Variants in TG observed in about 807,000 individuals in gnomAD.
TG encodes the protein thyroglobulin.
Under a neutral mutation model 324.7 loss-of-function variants are expected in TG, and 270 were observed. The observed-to-expected ratio is 0.83, with a 90% CI of 0.75 to 0.92. TG has a LOEUF of 0.92. TG is among the 40% of genes least tolerant of loss of function. TG has a pLI of 0.00. For synonymous variants in TG, 1,401 were observed against 1,327.0 expected (o/e 1.06, Z -1.21); for missense variants, 3,591 against 3,456.4 (o/e 1.04, Z -0.98).
rs186064871 is a variant in TG at position 133,040,361 on chromosome 8, G to C, written c.7239+10338G>C. ...CTCTGCACTTAGCCAGGCATGGGCA[G>C]AGAGAGAGGTTTAAGATCCAGTATC... On this transcript the variant is annotated intron_variant, in intron 41 of 47. Transcript: ENST00000220616. 345 of 518,258 alleles carry C rather than the reference G, an allele frequency of 6.7e-4. 2 individuals are homozygous for C. The highest frequency in any genetic ancestry group is 5.7e-3 in the African/African-American group (298 of 52,632). 32.1% of individuals were successfully genotyped at this position (518,258 alleles called of 1,614,324 possible). A position where few individuals can be genotyped will look rare whatever the true frequency, so the allele number is the denominator to read the frequency against.
At position 132,886,672 on chromosome 8, in the gene TG, T is replaced by G; in HGVS notation, c.1300T>G (p.Ser434Ala). 5.0e-6 allele frequency: 8 copies of G among 1,614,180 alleles called. No individual in the cohort carries two copies. The highest frequency in any genetic ancestry group is 6.8e-6 in the Non-Finnish European group (8 of 1,180,046). ...PMVEGQSQQFSVSENLLKEAI... is the reference protein window; with the variant it reads ...PMVEGQSQQFAVSENLLKEAI... ...GGTGGAGGGACAGAGCCAACAGTTTTCTGTCTCAGAAAATCTTCTCAAAGA... is the reference window on the plus strand; with the variant it reads ...GGTGGAGGGACAGAGCCAACAGTTTGCTGTCTCAGAAAATCTTCTCAAAGA... Residue 434 changes from serine (S) to alanine (A), a missense_variant, in exon 9 of 48, where the codon TCT becomes GCT. Ser to Ala is a moderately conservative substitution (Grantham distance 99). Transcript: ENST00000220616.
At position 132,969,421 on chromosome 8, in the gene TG, T is replaced by C. The variant is rs62514145; in HGVS notation, c.5864-37T>C. The C allele has an allele frequency of 7.6e-3, 10,813 of 1,423,750 alleles. 175 individuals carry two copies. Among genetic ancestry groups the C allele is most frequent in the African/African-American group, 0.056 (3,980 of 70,944 alleles). The allele number at this position is 1,423,750 out of a possible 1,614,324, so 88.2% of individuals were successfully genotyped here. A position where few individuals can be genotyped will look rare whatever the true frequency, so the allele number is the denominator to read the frequency against. The stretch of plus-strand genomic sequence containing the variant: ...CTCATATTTTCATGACTACAGCAAA[T>C]CTCTAAGTAATGTATTTTCTTTCTT... On this transcript the variant is annotated intron_variant, in intron 31 of 47. Transcript: ENST00000220616.
intron 32 of TG, 151 bp from the exon 33 acceptor site, chr8:132,971,643 C>T (rs1342986746): frequency 2.9e-6 from 2 of 682,460 alleles, no homozygotes; most frequent in Non-Finnish European, 5.4e-6. Context: ...AGAATCCACT[C>T]ATGCATATTG....
intron 41 of TG, chr8:133,060,415 G>C: frequency 6.7e-7 from 1 of 1,493,714 alleles, no homozygotes; most frequent in Non-Finnish European, 8.9e-7. Context: ...CCACAGAGAG[G>C]GAAGTTGCTA....
intron 41 of TG, among the ~76,000 whole-genome samples, chr8:133,073,975 G>A (rs2741211): frequency 0.43 from 65,637 of 151,848 alleles, 14,476 homozygotes; most frequent in Non-Finnish European, 0.46. Context: ...TCGGGATGGT[G>A]GATATCACCT....
At chr8:132,924,377 G>A (rs754616927) in intron 22 of TG, among the ~76,000 whole-genome samples, 1 of 152,130 alleles carries the variant, frequency 6.6e-6, no homozygotes, top group Non-Finnish European at 1.5e-5. Flanking sequence ...CAGGGGTTGG[G>A]GACTTCTGTT....
chr8:133,040,355 T>C lies in TG; in HGVS notation c.7239+10332T>C, dbSNP rs1837987361. 2.8e-5 allele frequency: 15 copies of C among 540,062 alleles called. No individual in the cohort carries two copies. The South Asian group carries it at 3.8e-4, about 14-fold the overall frequency. The allele number at this position is 540,062 out of a possible 1,614,324, so 33.5% of individuals were successfully genotyped here. A position where few individuals can be genotyped will look rare whatever the true frequency, so the allele number is the denominator to read the frequency against. On this transcript the variant is annotated intron_variant, in intron 41 of 47. Coordinates refer to ENST00000220616, the MANE Select transcript of TG (RefSeq NM_003235.5). ...GGTATACTCTGCACTTAGCCAGGCA[T>C]GGGCAGAGAGAGAGGTTTAAGATCC...
intron 43 of TG, among the ~76,000 whole-genome samples, chr8:133,103,469 A>G (rs977652244): frequency 6.6e-6 from 1 of 152,226 alleles, no homozygotes; most frequent in African/African-American, 2.4e-5. Context: ...ATTATGGTTC[A>G]GAGAAAGCTG....
rs763263303 is a variant in TG at position 133,113,601 on chromosome 8, C to G, written c.7752C>G (p.Thr2584=). ...TCTCCCGGGCTCTGGAGAATGCCAC[C>G]CGGTAAGCTAAGCTGCAGGAGGGTG... ...ASFSRALENA[T]RDYFIICPII... The change falls in exon 44 of 48, where the codon ACC becomes ACG. Residue 2584 remains threonine, a splice_region_variant and synonymous_variant. Coordinates refer to ENST00000220616, the MANE Select transcript of TG (RefSeq NM_003235.5). The G allele has an allele frequency of 6.2e-7, 1 of 1,613,874 alleles. No individual in the cohort carries two copies. Among genetic ancestry groups the G allele is most frequent in the Admixed American group, 1.7e-5 (1 of 59,998 alleles).
In TG at chr8:132,868,136, C is replaced by G; in HGVS notation, c.89C>G (p.Pro30Arg). 1 of 1,614,144 alleles carries G rather than the reference C, an allele frequency of 6.2e-7. No individual in the cohort carries two copies. The highest frequency in any genetic ancestry group is 8.5e-7 in the Non-Finnish European group (1 of 1,180,024). The change falls in exon 2 of 48, where the codon CCC becomes CGC. Residue 30 changes from proline (P) to arginine (R), a missense_variant. Coordinates refer to ENST00000220616, the MANE Select transcript of TG (RefSeq NM_003235.5). ...NIFEYQVDAQ[P>R]LRPCELQRET... The stretch of plus-strand genomic sequence containing the variant: ...CTAGAGTACCAGGTGGATGCCCAGC[C>G]CCTTCGTCCCTGTGAGCTGCAGAGG...
chr8:133,045,211 C>A lies in TG; in HGVS notation c.7239+15188C>A. 3.7e-6 allele frequency: 5 copies of A among 1,338,184 alleles called. No homozygotes were observed. In the South Asian group the frequency reaches 6.4e-5, roughly 17 times the overall value. 82.9% of individuals were successfully genotyped at this position (1,338,184 alleles called of 1,614,324 possible). ...ACCACCACTGAGGCAGGGAGACCTG[C>A]CCACCCTTGGGATACAACAGTGATG... On this transcript the variant is annotated intron_variant, in intron 41 of 47. Transcript: ENST00000220616.
rs748649100 is a variant in TG at position 133,096,200 on chromosome 8, A to G, written c.7405-6A>G. The stretch of plus-strand genomic sequence containing the variant: ...GGACAACTGATTATTGTTGCATCCA[A>G]TGCAGCTCCTGGCCGTGAGTGGCCC... On this transcript the variant is annotated splice_polypyrimidine_tract_variant and splice_region_variant and intron_variant, in intron 42 of 47. Coordinates refer to ENST00000220616, the MANE Select transcript of TG (RefSeq NM_003235.5). The G allele has an allele frequency of 1.2e-6, 2 of 1,614,096 alleles. No individual in the cohort carries two copies. The highest frequency in any genetic ancestry group is 8.5e-7 in the Non-Finnish European group (1 of 1,180,032).
intron 45 of TG, among the ~76,000 whole-genome samples, chr8:133,129,573 G>T (rs1564220644): frequency 6.6e-6 from 1 of 152,084 alleles, no homozygotes; most frequent in Non-Finnish European, 1.5e-5. Flanking sequence ...GTGGCTCACT[G>T]CAGCCTCGAA....
At chr8:133,117,569 A>T (rs907249832) in intron 45 of TG, among the ~76,000 whole-genome samples, 2 of 152,188 alleles carry the variant, frequency 1.3e-5, no homozygotes, top group African/African-American at 4.8e-5. Flanking sequence ...CGTGCATTAA[A>T]CCACATCAGA....
chr8:133,052,901 T>C (rs940884925), intron 41 of TG, among the ~76,000 whole-genome samples: 1 of 152,140 alleles, frequency 6.6e-6, no homozygotes, highest in African/African-American at 2.4e-5. Context: ...TGGGCCTGGG[T>C]TTCCTAGTCT....
chr8:133,021,520 A>G (rs998869025), intron 39 of TG, among the ~76,000 whole-genome samples: 4 of 152,238 alleles, frequency 2.6e-5, no homozygotes, highest in Non-Finnish European at 4.4e-5. Flanking sequence ...ATAGTTGCTC[A>G]GGCTGCCATA....
intron 32 of TG, 118 bp from the exon 33 acceptor site, chr8:132,971,676 T>G (rs1319409231): frequency 1.2e-5 from 9 of 744,954 alleles, no homozygotes. Flanking sequence ...CCAGTTTAAG[T>G]AGGGGGTAAA....
chr8:133,131,529 G>A (rs1006270119), intron 45 of TG, among the ~76,000 whole-genome samples: 7 of 152,200 alleles, frequency 4.6e-5, no homozygotes, highest in African/African-American at 1.7e-4. Flanking sequence ...AAATCATTGT[G>A]TTGGGAGGTT....
At chr8:132,936,822 C>T (rs1011774842) in intron 25 of TG, among the ~76,000 whole-genome samples, 4 of 152,356 alleles carry the variant, frequency 2.6e-5, no homozygotes, top group Non-Finnish European at 5.9e-5. Context: ...CAGGCTCTGA[C>T]CTGTGACCTG....
Sources: allele counts gnomAD v4.1 joint callset (sites outside exome capture counted in the v4.1 genomes callset), GRCh38; gene constraint gnomAD v4.1.1; transcripts MANE v1.5; gene names NCBI Gene and HGNC (gene_info 2026-07-23, HGNC 2026-07-21).